The following ITGAM variants were observed in gnomAD, a reference collection of about 807,000 sequenced individuals.
ITGAM encodes integrin alpha-M.
A neutral mutation model predicts 137.5 loss-of-function variants in ITGAM; 79 were observed. The ratio of observed to expected loss-of-function variants is 0.57; its 90% CI spans 0.48 to 0.69. ITGAM has a LOEUF of 0.69. Among genes scored for constraint, ITGAM ranks in the 30% least tolerant of loss-of-function variants. The probability of loss-of-function intolerance (pLI) is 0.00; values close to 1 mark genes in which losing one functional copy is unlikely to be tolerated. For missense variants in ITGAM, 1,343 were observed against 1,483.5 expected (o/e 0.91, Z 1.56); for synonymous variants, 583 against 592.3 (o/e 0.98, Z 0.23).
intron 11 of ITGAM, 39 bp from the exon 12 acceptor site, chr16:31,277,928 G>T (rs752365948): frequency 6.4e-7 from 1 of 1,552,208 alleles, no homozygotes; most frequent in Non-Finnish European, 8.7e-7. Flanking sequence ...GGAGGAGGGG[G>T]CAGGGAATGC....
intron 14 of ITGAM, among the ~76,000 whole-genome samples, chr16:31,312,534 C>T (rs1052067337): frequency 5.3e-5 from 8 of 152,086 alleles, no homozygotes; most frequent in Non-Finnish European, 7.4e-5. Context: ...TCATGTGATC[C>T]GCCTGCCTCA....
chr16:31,331,501 G>A, intron 29 of ITGAM, 135 bp from the exon 30 acceptor site: 9 of 677,282 alleles, frequency 1.3e-5, no homozygotes, highest in South Asian at 1.2e-4. Flanking sequence ...GCCCCGACGC[G>A]GATGTCACTC....
At chr16:31,330,757 CAGACAG>C (rs925218106) in intron 28 of ITGAM, among the ~76,000 whole-genome samples, 152 bp downstream of exon 28, 5 of 150,662 alleles carry the variant, frequency 3.3e-5, no homozygotes, top group African/African-American at 9.8e-5. Flanking sequence ...AGGAGAGAGA[CAGACAG>C]AGACAGAGAG....
chr16:31,279,218 A>T (rs1035756269), intron 12 of ITGAM, among the ~76,000 whole-genome samples: 8 of 152,168 alleles, frequency 5.3e-5, no homozygotes, highest in African/African-American at 1.9e-4. Context: ...GTGCCTTTAT[A>T]GCAGCATGAT....
chr16:31,329,762 A>G, intron 24 of ITGAM, 36 bp from the exon 25 acceptor site: 1 of 1,518,524 alleles, frequency 6.6e-7, no homozygotes, highest in South Asian at 1.2e-5. Context: ...GTGGGGGAGG[A>G]AGGCCAGAGC....
Position 31,332,005 on chromosome 16 carries a change from A to ATG in ITGAM, c.*303_*304dup, listed in dbSNP as rs2080594417. 2.3e-6 allele frequency: 1 copy of ATG among 438,940 alleles called. No homozygotes were observed. The highest frequency in any genetic ancestry group is 2.1e-5 in the African/African-American group (1 of 48,428). 27.2% of individuals were successfully genotyped at this position (438,940 alleles called of 1,614,324 possible). A position where few individuals can be genotyped will look rare whatever the true frequency, so the allele number is the denominator to read the frequency against. On this transcript the variant is annotated 3_prime_UTR_variant, in exon 30 of 30. Transcript: ENST00000544665. The stretch of plus-strand genomic sequence containing the variant: ...TGTCCATGTGTGTGCAAGTGTGTGC[A>ATG]TGTGTGCGAGTGTGTGCATGTGTGT...
At chr16:31,308,185 C>CT (rs1388472004) in intron 14 of ITGAM, among the ~76,000 whole-genome samples, 1 of 152,180 alleles carries the variant, frequency 6.6e-6, no homozygotes, top group African/African-American at 2.4e-5. Flanking sequence ...GGAGGATTCC[C>CT]TCTTTTTCTA....
intron 14 of ITGAM, among the ~76,000 whole-genome samples, chr16:31,316,734 T>C (rs1270783383): frequency 6.6e-6 from 1 of 152,232 alleles, no homozygotes; most frequent in Non-Finnish European, 1.5e-5. Flanking sequence ...ATTCTTTCAA[T>C]CCATAATATG....
chr16:31,309,848 G>A (rs1160214609), intron 14 of ITGAM, among the ~76,000 whole-genome samples: 2 of 152,062 alleles, frequency 1.3e-5, no homozygotes, highest in Non-Finnish European at 2.9e-5. Flanking sequence ...GGCAGGCCTG[G>A]TGGTGACAAA....
intron 14 of ITGAM, among the ~76,000 whole-genome samples, chr16:31,304,516 G>A (rs896652604): frequency 1.3e-5 from 2 of 152,068 alleles, no homozygotes; most frequent in Non-Finnish European, 2.9e-5. Context: ...TGGGGTCTTG[G>A]TCATGAATTC....
chr16:31,307,583 T>G (rs1228088048), intron 14 of ITGAM, among the ~76,000 whole-genome samples: 1 of 152,224 alleles, frequency 6.6e-6, no homozygotes, highest in Non-Finnish European at 1.5e-5. Flanking sequence ...TACAGTCATG[T>G]CATCTGCAAA....
chr16:31,319,656 G>A (rs2080427472), intron 14 of ITGAM, among the ~76,000 whole-genome samples: 1 of 152,076 alleles, frequency 6.6e-6, no homozygotes, highest in Admixed American at 6.6e-5. Flanking sequence ...TACATTTAAA[G>A]TAATTATTGA....
chr16:31,294,445 G>A (rs2080114008), intron 12 of ITGAM, among the ~76,000 whole-genome samples: 1 of 151,974 alleles, frequency 6.6e-6, no homozygotes, highest in Non-Finnish European at 1.5e-5. Flanking sequence ...AACATAAAGG[G>A]GTGTTGACTT....
In ITGAM at chr16:31,329,307, G is replaced by A. The variant is rs767431906; in HGVS notation, c.2868+4G>A. 2 of 1,604,590 alleles carry A rather than the reference G, an allele frequency of 1.2e-6. No individual in the cohort carries two copies. Among genetic ancestry groups the A allele is most frequent in the Non-Finnish European group, 1.7e-6 (2 of 1,171,806 alleles). On this transcript the variant is annotated splice_donor_region_variant and intron_variant, in intron 24 of 29. Transcript: ENST00000544665. Reference sequence around the variant, plus strand: ...GGTCATGCAGCATCAATATCAGGTGGGCAGCTGGGACGTCTGGGTCCTGAG... The same window carrying A: ...GGTCATGCAGCATCAATATCAGGTGAGCAGCTGGGACGTCTGGGTCCTGAG...
chr16:31,262,106 C>G (rs2079706414), intron 2 of ITGAM, among the ~76,000 whole-genome samples: 1 of 152,298 alleles, frequency 6.6e-6, no homozygotes, highest in African/African-American at 2.4e-5. Context: ...CCTCAGCCAA[C>G]ACACCATGTG....
At chr16:31,286,822 C>A (rs2080034366) in intron 12 of ITGAM, among the ~76,000 whole-genome samples, 3 of 152,100 alleles carry the variant, frequency 2.0e-5, no homozygotes, top group Non-Finnish European at 4.4e-5. Context: ...TTGATAGTTT[C>A]TTTTGCTCTA....
chr16:31,270,742 T>TATATA lies in ITGAM; in HGVS notation c.428-210_428-209insATAAT, dbSNP rs1343169219. Among the ~76,000 whole-genome samples the TATATA allele has an allele frequency of 1.7e-3, 186 of 109,884 alleles. 6 individuals are homozygous for TATATA. The highest frequency in any genetic ancestry group is 7.1e-3 in the African/African-American group (180 of 25,230). 72.1% of individuals were successfully genotyped at this position (109,884 alleles called of 152,430 possible). A position where few individuals can be genotyped will look rare whatever the true frequency, so the allele number is the denominator to read the frequency against. On this transcript the variant is annotated intron_variant, in intron 5 of 29. Coordinates refer to ENST00000544665, the MANE Select transcript of ITGAM (RefSeq NM_000632.4). ...ATATATATATATATATATATATATA[T>TATATA]ATGTTTTTAACGTGTGTATACATAT... is the stretch of plus-strand genomic sequence containing the variant.
intron 14 of ITGAM, among the ~76,000 whole-genome samples, chr16:31,320,936 G>A (rs1304267970): frequency 6.6e-6 from 1 of 152,176 alleles, no homozygotes; most frequent in Admixed American, 6.5e-5. Flanking sequence ...CACTTGAGAG[G>A]CTGACAGGGC....
At chr16:31,322,216 C>T (rs1441865293) in intron 16 of ITGAM, among the ~76,000 whole-genome samples, 1 of 152,028 alleles carries the variant, frequency 6.6e-6, no homozygotes, top group Non-Finnish European at 1.5e-5. Context: ...ACTTGAGAGG[C>T]TGAGGTGGGA....
Sources: gnomAD v4.1 joint callset for allele counts (sites outside exome capture counted in the v4.1 genomes callset) on GRCh38, gnomAD v4.1.1 for gene constraint, MANE v1.5 for transcripts, NCBI Gene and HGNC (gene_info 2026-07-23, HGNC 2026-07-21) for gene names.